LUZP2: variants seen among roughly 807,000 people sequenced by gnomAD.
LUZP2 encodes the protein leucine zipper protein 2.
A neutral mutation model predicts 51.6 loss-of-function variants in LUZP2; 52 were observed. The observed-to-expected ratio is 1.01, with a 90% CI of 0.81 to 1.27. LUZP2 has a LOEUF of 1.27. Ranked by LOEUF, LUZP2 falls within the 50% of genes most tolerant of loss-of-function variation. LUZP2 has a pLI of 0.00. For synonymous variants in LUZP2, 154 were observed against 137.3 expected, an observed-to-expected ratio of 1.12 and a Z score of -0.85; for missense variants, 436 against 395.4, an observed-to-expected ratio of 1.10 and a Z score of -0.87.
At chr11:24,550,467 T>C (rs549208102) in intron 1 of LUZP2, among the ~76,000 whole-genome samples, 3 of 152,192 alleles carry the variant, frequency 2.0e-5, no homozygotes, top group East Asian at 3.9e-4. Flanking sequence ...TAATTAAATA[T>C]CTTAGAGTTC....
intron 9 of LUZP2, among the ~76,000 whole-genome samples, chr11:25,007,403 G>C (rs1313882029): frequency 6.6e-6 from 1 of 152,140 alleles, no homozygotes; most frequent in African/African-American, 2.4e-5. Context: ...AGGAGTTCAA[G>C]ACCAGCCTGG....
At chr11:24,883,027 G>C (rs973344405) in intron 5 of LUZP2, among the ~76,000 whole-genome samples, 1 of 151,818 alleles carries the variant, frequency 6.6e-6, no homozygotes, top group Non-Finnish European at 1.5e-5. Context: ...AAAGAAAAGA[G>C]AAGAAAGAGA....
intron 9 of LUZP2, among the ~76,000 whole-genome samples, chr11:25,011,445 A>G (rs919961432): frequency 4.6e-5 from 7 of 152,278 alleles, no homozygotes; most frequent in East Asian, 3.9e-4. Flanking sequence ...TGCCCATAAT[A>G]GGGACAACTT....
Position 24,864,340 on chromosome 11 carries a change from C to T in LUZP2, c.397-41651C>T, listed in dbSNP as rs184681702. On this transcript the variant is annotated intron_variant, in intron 5 of 11. Coordinates refer to ENST00000336930, the MANE Select transcript of LUZP2 (RefSeq NM_001009909.4). ...CAAAGGCATTACAGAATTTTGAGCTCAAAGAGAAATAAGGGATTTTTTGTG... is the reference window on the plus strand; with the variant it reads ...CAAAGGCATTACAGAATTTTGAGCTTAAAGAGAAATAAGGGATTTTTTGTG... Among the ~76,000 whole-genome samples the T allele has an allele frequency of 2.8e-4, 43 of 152,032 alleles. No homozygotes were observed. The East Asian group carries it at 7.5e-3, about 27-fold the overall frequency.
chr11:24,852,982 G>T (rs1314852769), intron 5 of LUZP2, among the ~76,000 whole-genome samples: 6 of 151,998 alleles, frequency 3.9e-5, no homozygotes, highest in African/African-American at 1.2e-4. Context: ...ATGTGAGATG[G>T]GTCTCCTGAA....
chr11:24,842,943 G>A (rs887489089), intron 5 of LUZP2, among the ~76,000 whole-genome samples: 8 of 151,668 alleles, frequency 5.3e-5, no homozygotes, highest in Non-Finnish European at 8.8e-5. Context: ...GAAACAGAAA[G>A]CAAGGAGTAT....
intron 9 of LUZP2, among the ~76,000 whole-genome samples, chr11:24,985,023 C>G (rs1856151107): frequency 6.6e-6 from 1 of 151,584 alleles, no homozygotes; most frequent in Non-Finnish European, 1.5e-5. Context: ...ATTTGAAATA[C>G]TTGTGGTATA....
At chr11:24,602,260 A>T (rs183927823) in intron 1 of LUZP2, among the ~76,000 whole-genome samples, 1 of 136,962 alleles carries the variant, frequency 7.3e-6, no homozygotes, top group East Asian at 2.0e-4. Context: ...ATATGCAAAC[A>T]TATATGTACA....
intron 7 of LUZP2, among the ~76,000 whole-genome samples, chr11:24,957,604 T>G (rs1855247476): frequency 6.6e-6 from 1 of 152,188 alleles, no homozygotes; most frequent in South Asian, 2.1e-4. Context: ...GTATTTGACT[T>G]TCTTACTCAG....
intron 9 of LUZP2, among the ~76,000 whole-genome samples, chr11:25,039,034 T>G (rs1857953428): frequency 6.6e-6 from 1 of 152,204 alleles, no homozygotes; most frequent in Non-Finnish European, 1.5e-5. Context: ...AGCTGTTTTC[T>G]GTGGTGTAAA....
chr11:24,600,812 T>C (rs2133861874), intron 1 of LUZP2, among the ~76,000 whole-genome samples: 1 of 152,166 alleles, frequency 6.6e-6, no homozygotes, highest in African/African-American at 2.4e-5. Context: ...ATTATAGCTG[T>C]TTAAAAAGAA....
chr11:24,861,420 A>G (rs990033551), intron 5 of LUZP2, among the ~76,000 whole-genome samples: 2 of 152,222 alleles, frequency 1.3e-5, no homozygotes, highest in African/African-American at 4.8e-5. Context: ...CAAACAAGCT[A>G]GGAAACACAC....
intron 1 of LUZP2, among the ~76,000 whole-genome samples, chr11:24,514,576 T>C (rs897170700): frequency 1.3e-5 from 2 of 152,202 alleles, no homozygotes; most frequent in African/African-American, 2.4e-5. Context: ...TTGTGGGGAA[T>C]TGCAGGGTAC....
intron 1 of LUZP2, among the ~76,000 whole-genome samples, chr11:24,582,782 G>A (rs1400202036): frequency 2.0e-5 from 3 of 151,954 alleles, no homozygotes; most frequent in Non-Finnish European, 4.4e-5. Context: ...GACTACATTG[G>A]TAATTGGGAA....
chr11:24,800,391 C>T (rs1444553628), intron 5 of LUZP2, among the ~76,000 whole-genome samples: 1 of 151,740 alleles, frequency 6.6e-6, no homozygotes, highest in Non-Finnish European at 1.5e-5. Flanking sequence ...GGGTATATGA[C>T]ATTGTCACTA....
rs1852551826 is a variant in LUZP2, at chr11:24,574,247, TCTTTCTTTCTTTCTTG to T, written c.62+76958_62+76973del. ...TTCTTTCTTTCTTTCTTTCTTTCTT[TCTTTCTTTCTTTCTTG>T]CTTTCTTTCTTTCTTTCTTTCTTTC... On this transcript the variant is annotated intron_variant, in intron 1 of 11. Coordinates refer to ENST00000336930, the MANE Select transcript of LUZP2 (RefSeq NM_001009909.4). Among the ~76,000 whole-genome samples, 3 of 2,108 alleles carry T rather than the reference TCTTTCTTTCTTTCTTG, an allele frequency of 1.4e-3. 1 individual carries two copies. The highest frequency in any genetic ancestry group is 2.6e-3 in the African/African-American group (3 of 1,166). 1.4% of individuals were successfully genotyped at this position (2,108 alleles called of 152,430 possible). A position where few individuals can be genotyped will look rare whatever the true frequency, so the allele number is the denominator to read the frequency against.
intron 7 of LUZP2, among the ~76,000 whole-genome samples, chr11:24,927,671 G>T (rs1854318914): frequency 6.6e-6 from 1 of 152,078 alleles, no homozygotes; most frequent in African/African-American, 2.4e-5. Context: ...GTCAGGTAAT[G>T]TGGTGCCTCC....
At chr11:24,601,940 A>G (rs1390159512) in intron 1 of LUZP2, among the ~76,000 whole-genome samples, 1 of 138,388 alleles carries the variant, frequency 7.2e-6, no homozygotes, top group South Asian at 2.2e-4. Flanking sequence ...GTATATATGT[A>G]TATATGTATA....
intron 5 of LUZP2, among the ~76,000 whole-genome samples, chr11:24,826,190 A>ATATATAT (rs1554916354): frequency 0.018 from 1,188 of 67,510 alleles, 20 homozygotes; most frequent in Middle Eastern, 0.023. Flanking sequence ...AAAAAAAAAA[A>ATATATAT]ATATATATAT....
Sources: gnomAD v4.1 joint callset for allele counts (sites outside exome capture counted in the v4.1 genomes callset) on GRCh38, gnomAD v4.1.1 for gene constraint, MANE v1.5 for transcripts, NCBI Gene and HGNC (gene_info 2026-07-23, HGNC 2026-07-21) for gene names.